Variants in KAT6B observed in about 807,000 individuals in gnomAD.
KAT6B encodes the protein histone acetyltransferase KAT6B.
A neutral mutation model predicts 187.5 loss-of-function variants in KAT6B; 10 were observed. The observed-to-expected ratio is 0.05, with a 90% CI of 0.03 to 0.09. The LOEUF is 0.09. Ranked by LOEUF, KAT6B falls within the 10% of genes least tolerant of loss-of-function variation. KAT6B has a pLI of 1.00. For synonymous variants in KAT6B, 861 were observed against 926.8 expected, an observed-to-expected ratio of 0.93 and a Z score of 1.29; for missense variants, 1,952 against 2,558.9, an observed-to-expected ratio of 0.76 and a Z score of 5.12.
At chr10:74,925,935 C>G (rs1320076210) in intron 3 of KAT6B, among the ~76,000 whole-genome samples, 2 of 152,092 alleles carry the variant, frequency 1.3e-5, no homozygotes, top group African/African-American at 4.8e-5. Context: ...GTGCGTACAG[C>G]CCATGGCAGG....
chr10:74,943,680 A>G (rs981033734), intron 3 of KAT6B, among the ~76,000 whole-genome samples: 1 of 152,152 alleles, frequency 6.6e-6, no homozygotes, highest in Admixed American at 6.5e-5. Context: ...TAAAAAACTA[A>G]AACTATAAAA....
intron 1 of KAT6B, among the ~76,000 whole-genome samples, chr10:74,827,434 T>C (rs1307651821): frequency 6.6e-6 from 1 of 151,498 alleles, no homozygotes; most frequent in Non-Finnish European, 1.5e-5. Context: ...GCAGGTACGA[T>C]TGCAGTGATG....
intron 3 of KAT6B, among the ~76,000 whole-genome samples, chr10:74,915,077 G>A (rs1000685136): frequency 3.3e-5 from 5 of 152,118 alleles, no homozygotes; most frequent in African/African-American, 7.2e-5. Flanking sequence ...TTTAGCTTGG[G>A]CAATGGAGCA....
chr10:74,911,272 CTT>C (rs766011853), intron 3 of KAT6B, among the ~76,000 whole-genome samples: 17 of 137,566 alleles, frequency 1.2e-4, no homozygotes, highest in Non-Finnish European at 1.4e-4. Context: ...CTTTCTTTTT[CTT>C]TTTTTTTTTT....
intron 8 of KAT6B, 135 bp downstream of exon 8, chr10:74,976,465 A>G (rs1564600638): frequency 1.3e-6 from 1 of 789,742 alleles, no homozygotes; most frequent in Non-Finnish European, 2.1e-6. Context: ...TCACTTTCAT[A>G]CAGAAGCAGT....
intron 3 of KAT6B, among the ~76,000 whole-genome samples, chr10:74,916,223 G>T (rs2132991639): frequency 6.6e-6 from 1 of 152,246 alleles, no homozygotes; most frequent in Admixed American, 6.5e-5. Context: ...CTATTATAGT[G>T]ACCCTGTGAG....
At chr10:74,914,623 A>G (rs548509752) in intron 3 of KAT6B, among the ~76,000 whole-genome samples, 8 of 152,346 alleles carry the variant, frequency 5.3e-5, no homozygotes, top group Admixed American at 2.6e-4. Flanking sequence ...GAATTTCTCT[A>G]ATAATGAGCC....
At chr10:74,946,861 A>G (rs190842885) in intron 3 of KAT6B, among the ~76,000 whole-genome samples, 5 of 152,322 alleles carry the variant, frequency 3.3e-5, no homozygotes, top group Admixed American at 3.3e-4. Context: ...ATTTCATTGT[A>G]TGTAAAATAT....
At chr10:74,850,140 G>A (rs1355078131) in intron 3 of KAT6B, among the ~76,000 whole-genome samples, 2 of 151,888 alleles carry the variant, frequency 1.3e-5, no homozygotes, top group Admixed American at 1.3e-4. Context: ...GGGTTTCACC[G>A]TGTTAGCCAG....
intron 4 of KAT6B, among the ~76,000 whole-genome samples, chr10:74,961,088 T>C (rs2133535730): frequency 6.6e-6 from 1 of 152,288 alleles, no homozygotes; most frequent in Middle Eastern, 3.4e-3. Context: ...TTTCAAACCC[T>C]GCTTGAAAAA....
intron 12 of KAT6B, among the ~76,000 whole-genome samples, chr10:74,988,576 A>C (rs1171070883): frequency 6.6e-6 from 1 of 152,238 alleles, no homozygotes; most frequent in Non-Finnish European, 1.5e-5. Context: ...ATTTGCCCAA[A>C]GGCAGAAGAC....
chr10:74,914,621 C>T (rs1477008827), intron 3 of KAT6B, among the ~76,000 whole-genome samples: 4 of 152,188 alleles, frequency 2.6e-5, no homozygotes, highest in Admixed American at 2.6e-4. Context: ...AGGAATTTCT[C>T]TAATAATGAG....
intron 13 of KAT6B, among the ~76,000 whole-genome samples, chr10:75,014,480 AT>A (rs1321162703): frequency 4.1e-4 from 63 of 152,300 alleles, no homozygotes; most frequent in African/African-American, 1.3e-3. Flanking sequence ...ATTTAAAAAA[AT>A]GTTACATAAT....
In KAT6B at chr10:74,842,970, C is replaced by T; in HGVS notation, c.113C>T (p.Thr38Ile). 2 of 1,614,208 alleles carry T rather than the reference C, an allele frequency of 1.2e-6. No homozygotes were observed. The highest frequency in any genetic ancestry group is 1.7e-6 in the Non-Finnish European group (2 of 1,180,034). ...SEERICHAVS[T>I]SHGLDKKTVS... ...GAGAGAATCTGCCATGCGGTCAGTA[C>T]TTCCCATGGGTTGGATAAGAAGACA... The change falls in exon 3 of 18, where the codon ACT becomes ATT. Residue 38 changes from threonine (T) to isoleucine (I), a missense_variant. By Grantham distance (89) the Thr-to-Ile change is moderately conservative (BLOSUM62 -1). Around this residue, in one of 9 missense-constraint regions of KAT6B, gnomAD observed 218 missense variants for 282.6 expected, o/e 0.77. Transcript: ENST00000287239.
Position 75,030,821 on chromosome 10 carries a change from G to A in KAT6B, c.5997G>A (p.Gln1999=), listed in dbSNP as rs765232498. ...LNAMNGYSMS[Q]PMMNSGYHSN... ...CCATGAATGGGTACAGCATGTCCCA[G>A]CCAATGATGAACAGTGGCTACCACA... The change falls in exon 18 of 18, where the codon CAG becomes CAA. Residue 1999 remains glutamine, a synonymous_variant. Coordinates refer to ENST00000287239, the MANE Select transcript of KAT6B (RefSeq NM_012330.4). This position sits in a 1 kb window ranked among gnomAD's most constrained non-coding sequence, Gnocchi z 4.8. The A allele has an allele frequency of 1.9e-6, 3 of 1,614,206 alleles. No homozygotes were observed. The South Asian group carries it at 3.3e-5, about 18-fold the overall frequency.
chr10:75,000,668 T>A (rs895716668), intron 13 of KAT6B, among the ~76,000 whole-genome samples: 1 of 152,164 alleles, frequency 6.6e-6, no homozygotes, highest in Admixed American at 6.5e-5. Context: ...CATTCAGGCA[T>A]TTCTAAAATT....
chr10:74,919,329 A>G (rs1440439377), intron 3 of KAT6B, among the ~76,000 whole-genome samples: 3 of 152,042 alleles, frequency 2.0e-5, no homozygotes, highest in Admixed American at 6.6e-5. Context: ...TAGGTATCTG[A>G]GGATTGGTAT....
intron 3 of KAT6B, among the ~76,000 whole-genome samples, chr10:74,953,952 A>G (rs762621236): frequency 1.2e-4 from 19 of 152,234 alleles, no homozygotes; most frequent in Non-Finnish European, 2.6e-4. Context: ...AGAAAATGCT[A>G]TCTTATTTTG....
chr10:75,026,239 C>T (rs1683376150), intron 17 of KAT6B: 1 of 151,570 alleles, frequency 6.6e-6, no homozygotes, highest in African/African-American at 2.4e-5. Context: ...AGTAAACTGA[C>T]TTTCCTTTTA....
Sources: gnomAD v4.1 joint callset for allele counts (sites outside exome capture counted in the v4.1 genomes callset) on GRCh38, gnomAD v4.1.1 for gene constraint, gnomAD v4.1.1 regional missense constraint, Gnocchi (gnomAD v3.1) non-coding constraint, MANE v1.5 for transcripts, NCBI Gene and HGNC (gene_info 2026-07-23, HGNC 2026-07-21) for gene names.